TEAD1: variants seen among roughly 807,000 people sequenced by gnomAD.
The protein encoded by TEAD1 is transcriptional enhancer factor TEF-1.
TEAD1 carries 9 observed loss-of-function variants against 54.9 expected under a neutral mutation model. The observed-to-expected ratio is 0.16, with a 90% CI of 0.10 to 0.29. The LOEUF (loss-of-function observed/expected upper bound fraction) is 0.29. Ranked by LOEUF, TEAD1 falls within the 10% of genes least tolerant of loss-of-function variation. TEAD1 has a pLI of 1.00. For missense variants in TEAD1, 387 were observed against 535.9 expected, an observed-to-expected ratio of 0.72 and a Z score of 2.74; for synonymous variants, 200 against 187.8, an observed-to-expected ratio of 1.07 and a Z score of -0.53.
intron 10 of TEAD1, among the ~76,000 whole-genome samples, chr11:12,919,277 G>T (rs569180044): frequency 6.6e-6 from 1 of 152,240 alleles, no homozygotes; most frequent in Admixed American, 6.5e-5. Flanking sequence ...GTTGTTTGGG[G>T]AGTTCTAAGA....
intron 9 of TEAD1, among the ~76,000 whole-genome samples, chr11:12,884,225 G>A (rs577239477): frequency 1.3e-4 from 19 of 151,576 alleles, no homozygotes; most frequent in East Asian, 5.8e-4. Flanking sequence ...AACAAGCCCC[G>A]TACCCTTTCT....
chr11:12,853,028 C>T (rs968752769), intron 3 of TEAD1, among the ~76,000 whole-genome samples: 2 of 152,130 alleles, frequency 1.3e-5, no homozygotes, highest in Admixed American at 6.5e-5. Context: ...ATATTGTGGT[C>T]TTTCCCAGTT....
chr11:12,719,949 G>GTTTTTTTTT (rs1200965763), intron 2 of TEAD1, among the ~76,000 whole-genome samples: 1 of 40,004 alleles, frequency 2.5e-5, no homozygotes, highest in African/African-American at 5.5e-5. Flanking sequence ...GAAATCTAAT[G>GTTTTTTTTT]TTTTTTTTTT....
At chr11:12,841,955 T>G (rs1386843058) in intron 3 of TEAD1, among the ~76,000 whole-genome samples, 2 of 152,184 alleles carry the variant, frequency 1.3e-5, no homozygotes, top group Non-Finnish European at 2.9e-5. Context: ...TGACCTCTCC[T>G]ATAAACCTCA....
At chr11:12,873,842 C>A (rs987301130) in intron 5 of TEAD1, among the ~76,000 whole-genome samples, 6 of 152,216 alleles carry the variant, frequency 3.9e-5, no homozygotes, top group African/African-American at 1.4e-4. Context: ...TTAGAAAGAA[C>A]ATCTGCAAGA....
chr11:12,931,175 A>G (rs2134171175), intron 12 of TEAD1, among the ~76,000 whole-genome samples: 1 of 152,312 alleles, frequency 6.6e-6, no homozygotes. Context: ...ATGATGGGAA[A>G]ACTCACCAGT....
intron 2 of TEAD1, among the ~76,000 whole-genome samples, chr11:12,706,097 CAAAAT>C (rs973882353): frequency 3.9e-5 from 6 of 152,162 alleles, no homozygotes; most frequent in African/African-American, 1.4e-4. Flanking sequence ...ATATGCAAAA[CAAAAT>C]AAATTTGACT....
chr11:12,698,197 T>C (rs1943627022), intron 2 of TEAD1, among the ~76,000 whole-genome samples: 1 of 152,186 alleles, frequency 6.6e-6, no homozygotes, highest in African/African-American at 2.4e-5. Context: ...ACTTGGTTTG[T>C]GCAAGTGAGG....
chr11:12,810,007 G>C (rs1446118628), intron 3 of TEAD1, among the ~76,000 whole-genome samples: 5 of 130,320 alleles, frequency 3.8e-5, no homozygotes, highest in Admixed American at 1.7e-4. Context: ...TTGAGATGGA[G>C]CCTCCCTCTG....
intron 5 of TEAD1, among the ~76,000 whole-genome samples, chr11:12,876,430 C>G (rs963245451): frequency 6.6e-6 from 1 of 152,124 alleles, no homozygotes; most frequent in African/African-American, 2.4e-5. Flanking sequence ...CAAACAGATT[C>G]TGTATTTGGG....
intron 3 of TEAD1, among the ~76,000 whole-genome samples, chr11:12,772,330 T>C (rs943716990): frequency 6.6e-6 from 1 of 152,060 alleles, no homozygotes; most frequent in Non-Finnish European, 1.5e-5. Flanking sequence ...ATTTGGTTAG[T>C]TGGGGAAAAG....
At chr11:12,902,976 T>C (rs1212443137) in intron 10 of TEAD1, among the ~76,000 whole-genome samples, 1 of 152,152 alleles carries the variant, frequency 6.6e-6, no homozygotes, top group Non-Finnish European at 1.5e-5. Context: ...TCCCATTGCA[T>C]TTGGTAATCA....
At chr11:12,769,667 CT>C (rs1564933556) in intron 3 of TEAD1, among the ~76,000 whole-genome samples, 1 of 152,204 alleles carries the variant, frequency 6.6e-6, no homozygotes, top group East Asian at 1.9e-4. Context: ...GCAAAGTGTT[CT>C]TCTCGGAGCT....
chr11:12,757,969 G>A lies in TEAD1; in HGVS notation c.-54-6210G>A, dbSNP rs575699968. ...TAATTTTTGTATTTTTAGTAGAGAC[G>A]GAGTTTCACTGTGTTGATCAGGCTG... is the stretch of plus-strand genomic sequence containing the variant. On this transcript the variant is annotated intron_variant, in intron 2 of 12. Transcript: ENST00000527636. 6.4e-4 allele frequency among the ~76,000 whole-genome samples: 98 copies of A among 152,078 alleles called. 2 individuals carry two copies. The highest frequency in any genetic ancestry group is 4.2e-3 in the South Asian group (20 of 4,810).
At chr11:12,898,593 C>T (rs1948361141) in intron 9 of TEAD1, among the ~76,000 whole-genome samples, 1 of 151,782 alleles carries the variant, frequency 6.6e-6, no homozygotes, top group South Asian at 2.1e-4. Context: ...TGGGGTTTCT[C>T]CGTGTTGGCC....
In TEAD1 at chr11:12,730,803, T is replaced by G. The variant is rs1479227440; in HGVS notation, c.-54-33376T>G. ...GCAACCTCCACCTTCCAGTTTCAAG[T>G]GATTCTCATGCCTCAGCCTCCCAAG... On this transcript the variant is annotated intron_variant, in intron 2 of 12. Coordinates refer to ENST00000527636, the MANE Select transcript of TEAD1 (RefSeq NM_021961.6). 2.0e-5 allele frequency among the ~76,000 whole-genome samples: 3 copies of G among 146,502 alleles called. No individual in the cohort carries two copies. In the East Asian group the frequency reaches 6.1e-4, roughly 30 times the overall value.
intron 3 of TEAD1, among the ~76,000 whole-genome samples, chr11:12,840,891 A>G (rs1484638450): frequency 6.6e-6 from 1 of 152,156 alleles, no homozygotes; most frequent in Non-Finnish European, 1.5e-5. Flanking sequence ...GGAGAGTTGT[A>G]CTGGAAATTT....
chr11:12,885,515 GC>G (rs1362991584), intron 9 of TEAD1, among the ~76,000 whole-genome samples: 1 of 152,116 alleles, frequency 6.6e-6, no homozygotes, highest in Non-Finnish European at 1.5e-5. Context: ...GGGATTACAG[GC>G]GTGAGGCACC....
intron 5 of TEAD1, among the ~76,000 whole-genome samples, chr11:12,877,011 C>G (rs1391754288): frequency 6.6e-6 from 1 of 152,082 alleles, no homozygotes; most frequent in Non-Finnish European, 1.5e-5. Context: ...CAAGATTTGC[C>G]CTCTTTCTGG....
Sources: allele counts gnomAD v4.1 joint callset (sites outside exome capture counted in the v4.1 genomes callset), GRCh38; gene constraint gnomAD v4.1.1; transcripts MANE v1.5; gene names NCBI Gene and HGNC (gene_info 2026-07-23, HGNC 2026-07-21).